Variants in MAP4 observed in about 807,000 individuals in gnomAD.
The protein encoded by MAP4 is microtubule associated protein 4.
A neutral mutation model predicts 170.2 loss-of-function variants in MAP4; 76 were observed. The ratio of observed to expected loss-of-function variants is 0.45; its 90% CI spans 0.37 to 0.54. The LOEUF is 0.54. MAP4 is among the 20% of genes least tolerant of loss of function. The probability of loss-of-function intolerance (pLI) is 0.00; values close to 1 mark genes in which losing one functional copy is unlikely to be tolerated. For synonymous variants in MAP4, 909 were observed against 994.5 expected, an observed-to-expected ratio of 0.91 and a Z score of 1.62; for missense variants, 2,506 against 2,748.0, an observed-to-expected ratio of 0.91 and a Z score of 1.97.
At chr3:47,963,914 T>C (rs574478147) in intron 3 of MAP4, among the ~76,000 whole-genome samples, 122 of 152,328 alleles carry the variant, frequency 8.0e-4, no homozygotes, top group African/African-American at 2.8e-3. Context: ...GAAGTACTCA[T>C]TGAGAAAGTG....
intron 3 of MAP4, among the ~76,000 whole-genome samples, chr3:47,959,702 T>A (rs1387176789): frequency 1.4e-5 from 2 of 146,464 alleles, no homozygotes; most frequent in Non-Finnish European, 3.0e-5. Context: ...GAGCATGCAG[T>A]GAGCCAAGAT....
chr3:48,032,079 C>T (rs2100116438), intron 1 of MAP4, among the ~76,000 whole-genome samples: 2 of 151,960 alleles, frequency 1.3e-5, no homozygotes, highest in African/African-American at 4.8e-5. Context: ...AATATCAGAC[C>T]AGTACTCCTC....
intron 3 of MAP4, among the ~76,000 whole-genome samples, chr3:47,959,553 G>A (rs577742216): frequency 3.3e-5 from 5 of 151,744 alleles, no homozygotes; most frequent in South Asian, 2.1e-4. Flanking sequence ...TCAGGAGATC[G>A]AGACCATCCT....
intron 1 of MAP4, among the ~76,000 whole-genome samples, chr3:48,032,457 C>G (rs1028023251): frequency 1.1e-4 from 17 of 150,946 alleles, no homozygotes; most frequent in Admixed American, 8.6e-4. Flanking sequence ...AGCCCAAGAT[C>G]GCACCACTAC....
At chr3:47,856,615 C>G (rs2056971965) in intron 18 of MAP4, among the ~76,000 whole-genome samples, 1 of 152,148 alleles carries the variant, frequency 6.6e-6, no homozygotes, top group African/African-American at 2.4e-5. Flanking sequence ...TTAGTAGAGA[C>G]AGGGTTTCAC....
intron 3 of MAP4, chr3:47,973,083 G>T (rs1456293436): frequency 1.0e-6 from 1 of 980,598 alleles, no homozygotes; most frequent in Non-Finnish European, 1.2e-6. Flanking sequence ...AGTCCATAAG[G>T]TGTTAATGTA....
In MAP4 at chr3:47,972,945, A is replaced by C. The variant is rs368729744; in HGVS notation, c.292+4920T>G. 91 of 838,038 alleles carry C rather than the reference A, an allele frequency of 1.1e-4. No individual in the cohort carries two copies. The African/African-American group carries it at 1.6e-3, about 15-fold the overall frequency. The allele number at this position is 838,038 out of a possible 1,614,324, so 51.9% of individuals were successfully genotyped here. A position where few individuals can be genotyped will look rare whatever the true frequency, so the allele number is the denominator to read the frequency against. ...AAGTGAAAATGCTTGACAAAAACTT[A>C]AAAGTCCATACAATTAATCCGGGTG... On this transcript the variant is annotated intron_variant, in intron 3 of 20. Coordinates refer to ENST00000683076, the MANE Select transcript of MAP4 (RefSeq NM_001385682.1).
chr3:47,863,496 G>T (rs945986537), intron 17 of MAP4, among the ~76,000 whole-genome samples: 1 of 151,808 alleles, frequency 6.6e-6, no homozygotes, highest in Non-Finnish European at 1.5e-5. Context: ...CCCTCCTCGG[G>T]GACTGCAGAA....
intron 1 of MAP4, among the ~76,000 whole-genome samples, chr3:48,000,832 C>T (rs542220045): frequency 1.8e-4 from 28 of 152,200 alleles, no homozygotes; most frequent in Non-Finnish European, 3.1e-4. Flanking sequence ...TGTTATCCAC[C>T]GTCTACCTCT....
chr3:48,043,543 C>A (rs1047743392), intron 1 of MAP4, among the ~76,000 whole-genome samples: 2 of 152,160 alleles, frequency 1.3e-5, no homozygotes, highest in African/African-American at 4.8e-5. Flanking sequence ...AAGGATATTT[C>A]CTTTTTGCAT....
At chr3:47,952,952 T>A (rs1015067135) in intron 3 of MAP4, among the ~76,000 whole-genome samples, 14 of 151,514 alleles carry the variant, frequency 9.2e-5, no homozygotes, top group Non-Finnish European at 2.1e-4. Flanking sequence ...AAAAAAAAAA[T>A]TGGTTTGTGT....
chr3:48,027,734 A>G (rs2100113855), intron 1 of MAP4, among the ~76,000 whole-genome samples: 1 of 152,048 alleles, frequency 6.6e-6, no homozygotes, highest in Non-Finnish European at 1.5e-5. Context: ...GCTACTCAGG[A>G]GACTAAAATG....
In MAP4 at chr3:47,915,969, T is replaced by G. The variant is rs773286940; in HGVS notation, c.1858A>C (p.Thr620Pro). ...CACGTACCTGGTGAAATCATGAAAG[T>G]AGGTGCAGCTGACTGCCCCACATCC... ...LQDVGQSAAP[T>P]FMISPETVTG... Residue 620 changes from threonine to proline, a missense_variant, in exon 7 of 21, where the codon ACT becomes CCT. Thr to Pro is a conservative substitution (Grantham distance 38). Transcript: ENST00000683076. 6.2e-7 allele frequency: 1 copy of G among 1,612,108 alleles called. No homozygotes were observed. The highest frequency in any genetic ancestry group is 8.5e-7 in the Non-Finnish European group (1 of 1,178,960).
At chr3:48,068,264 C>CAAAAAAA (rs34691079) in intron 1 of MAP4, among the ~76,000 whole-genome samples, 1 of 106,726 alleles carries the variant, frequency 9.4e-6, no homozygotes, top group Non-Finnish European at 1.9e-5. Context: ...GATTCTGTCT[C>CAAAAAAA]AAAAAAAAAA....
At chr3:47,946,475 GA>G (rs1234149086) in intron 3 of MAP4, among the ~76,000 whole-genome samples, 4 of 149,852 alleles carry the variant, frequency 2.7e-5, no homozygotes, top group Non-Finnish European at 5.9e-5. Flanking sequence ...CCAACATGGT[GA>G]AACCCCATCT....
At chr3:48,018,221 T>C (rs1203509335), upstream of MAP4, among the ~76,000 whole-genome samples, 2 of 152,078 alleles carry the variant, frequency 1.3e-5, no homozygotes, top group South Asian at 2.1e-4. Context: ...CTGTAGTTAG[T>C]TGTATATACC....
intron 2 of MAP4, among the ~76,000 whole-genome samples, chr3:47,991,276 T>C (rs1380572659): frequency 6.6e-6 from 1 of 152,346 alleles, no homozygotes; most frequent in East Asian, 1.9e-4. Context: ...AAGAGTTCTA[T>C]TATGTGTAAC....
intron 2 of MAP4, among the ~76,000 whole-genome samples, chr3:47,984,031 A>G (rs1157455898): frequency 6.6e-6 from 1 of 152,074 alleles, no homozygotes; most frequent in Non-Finnish European, 1.5e-5. Context: ...GGGCATAAAT[A>G]ATGAGATTTA....
intron 1 of MAP4, among the ~76,000 whole-genome samples, chr3:48,045,771 G>C (rs897581389): frequency 4.6e-5 from 7 of 152,200 alleles, no homozygotes; most frequent in African/African-American, 1.7e-4. Context: ...TCGATCTCCT[G>C]ACCTTGTGAT....
Sources: gnomAD v4.1 joint callset for allele counts (sites outside exome capture counted in the v4.1 genomes callset) on GRCh38, gnomAD v4.1.1 for gene constraint, MANE v1.5 for transcripts, NCBI Gene and HGNC (gene_info 2026-07-23, HGNC 2026-07-21) for gene names.